The following DSCAM variants were observed in gnomAD, a reference collection of about 807,000 sequenced individuals.
DSCAM encodes the protein DS cell adhesion molecule.
Under a neutral mutation model 217.7 loss-of-function variants are expected in DSCAM, and 47 were observed. The observed-to-expected ratio is 0.22, with a 90% CI of 0.17 to 0.28. The LOEUF (loss-of-function observed/expected upper bound fraction) is 0.28, where lower values mean the gene tolerates loss of function less well. DSCAM is among the 10% of genes least tolerant of loss of function. The pLI, the probability that DSCAM is intolerant of heterozygous loss-of-function variation, is 1.00. For missense variants in DSCAM, 2,080 were observed against 2,618.3 expected, an observed-to-expected ratio of 0.79 and a Z score of 4.49; for synonymous variants, 1,056 against 1,015.3, an observed-to-expected ratio of 1.04 and a Z score of -0.76.
At chr21:40,637,242 A>T (rs1311529104) in intron 3 of DSCAM, among the ~76,000 whole-genome samples, 3 of 3,478 alleles carry the variant, frequency 8.6e-4, no homozygotes, top group African/African-American at 3.4e-3. Flanking sequence ...TATAAATATA[A>T]ATATATATAT....
At chr21:40,354,916 T>G (rs556068993) in intron 4 of DSCAM, among the ~76,000 whole-genome samples, 1 of 151,878 alleles carries the variant, frequency 6.6e-6, no homozygotes, top group South Asian at 2.1e-4. Flanking sequence ...TAGTAAAATT[T>G]ATTGCACAAA....
At chr21:40,157,931 C>T (rs1250575414) in intron 16 of DSCAM, among the ~76,000 whole-genome samples, 1 of 152,070 alleles carries the variant, frequency 6.6e-6, no homozygotes, top group East Asian at 1.9e-4. Flanking sequence ...TGGGCTCAAG[C>T]AATCCTCCCA....
At chr21:40,700,080 T>C (rs931796424) in intron 2 of DSCAM, among the ~76,000 whole-genome samples, 2 of 152,212 alleles carry the variant, frequency 1.3e-5, no homozygotes, top group Non-Finnish European at 2.9e-5. Context: ...CAATGCTCAT[T>C]TACCATTTCA....
Position 40,052,081 on chromosome 21 carries a change from C to A in DSCAM, c.5062G>T (p.Asp1688Tyr). Residue 1688 changes from aspartate to tyrosine, a missense_variant, in exon 30 of 33, where the codon GAT becomes TAT. By Grantham distance (160) the Asp-to-Tyr change is radical (BLOSUM62 -3). Coordinates refer to ENST00000400454, the MANE Select transcript of DSCAM (RefSeq NM_001389.5). ...IDDRSTVLLTDADFGEAAKQK... is the reference protein window; with the variant it reads ...IDDRSTVLLTYADFGEAAKQK... ...TTAGCTGCCTCTCCAAAGTCAGCATCCGTCAACAGAACCGTGGAGCGATCA... is the reference window on the plus strand; with the variant it reads ...TTAGCTGCCTCTCCAAAGTCAGCATACGTCAACAGAACCGTGGAGCGATCA... 6.2e-7 allele frequency: 1 copy of A among 1,614,092 alleles called. No individual in the cohort carries two copies. The highest frequency in any genetic ancestry group is 2.2e-5 in the East Asian group (1 of 44,878).
chr21:40,019,437 A>G (rs2088222501), intron 32 of DSCAM, among the ~76,000 whole-genome samples: 1 of 152,250 alleles, frequency 6.6e-6, no homozygotes, highest in African/African-American at 2.4e-5. Flanking sequence ...GAGTAATAGC[A>G]GAATCTAGCA....
chr21:40,219,547 T>C (rs2091272443), intron 11 of DSCAM, among the ~76,000 whole-genome samples: 1 of 152,238 alleles, frequency 6.6e-6, no homozygotes. Flanking sequence ...TCTTTCTACA[T>C]AAATATTTGT....
At position 40,565,922 on chromosome 21, in the gene DSCAM, C is replaced by T. The variant is rs542102946; in HGVS notation, c.508+126888G>A. ...CCCCCAGCATGAACGCATGAACCAA[C>T]AACATGTACCCTTTTATATCAACTT... On this transcript the variant is annotated intron_variant, in intron 3 of 32. Transcript: ENST00000400454. 3.9e-5 allele frequency among the ~76,000 whole-genome samples: 6 copies of T among 152,176 alleles called. No individual in the cohort carries two copies. The South Asian group carries it at 1.2e-3, about 32-fold the overall frequency.
intron 2 of DSCAM, among the ~76,000 whole-genome samples, chr21:40,698,868 TTAA>T (rs1374592698): frequency 1.8e-5 from 2 of 112,378 alleles, no homozygotes; most frequent in African/African-American, 9.2e-5. Context: ...AGAATCCGTC[TTAA>T]AAAAAAAAAA....
At chr21:40,552,892 T>C (rs1420683157) in intron 3 of DSCAM, among the ~76,000 whole-genome samples, 5 of 152,218 alleles carry the variant, frequency 3.3e-5, no homozygotes. Flanking sequence ...TTTCTATGCT[T>C]AAGGACTGAA....
chr21:40,714,986 G>C (rs1199309770), intron 1 of DSCAM, among the ~76,000 whole-genome samples: 1 of 152,276 alleles, frequency 6.6e-6, no homozygotes, highest in East Asian at 1.9e-4. Context: ...AATACATTCT[G>C]CCTCCATTTT....
chr21:40,822,450 A>T (rs60031070), intron 1 of DSCAM, among the ~76,000 whole-genome samples: 34,334 of 136,576 alleles, frequency 0.25, 4,119 homozygotes, highest in Admixed American at 0.31. Context: ...TTTTTTTTTA[A>T]AAAAAAAGAC....
At chr21:40,435,327 A>C (rs866628920) in intron 3 of DSCAM, among the ~76,000 whole-genome samples, 18 of 152,288 alleles carry the variant, frequency 1.2e-4, no homozygotes, top group African/African-American at 4.3e-4. Context: ...TGTTTGTTTA[A>C]TTTAGTTGGT....
At chr21:40,788,210 C>G (rs2091610253) in intron 1 of DSCAM, among the ~76,000 whole-genome samples, 1 of 152,214 alleles carries the variant, frequency 6.6e-6, no homozygotes, top group African/African-American at 2.4e-5. Flanking sequence ...ACCTACACTT[C>G]TTTTCTGAAA....
intron 16 of DSCAM, among the ~76,000 whole-genome samples, chr21:40,159,780 A>G (rs1886153416): frequency 6.6e-6 from 1 of 152,104 alleles, no homozygotes; most frequent in Non-Finnish European, 1.5e-5. Flanking sequence ...ATAGGGTTTC[A>G]CCATGTTGGC....
At chr21:40,074,384 C>T (rs552113640) in intron 27 of DSCAM, among the ~76,000 whole-genome samples, 1 of 152,212 alleles carries the variant, frequency 6.6e-6, no homozygotes, top group African/African-American at 2.4e-5. Flanking sequence ...ACTCCCTGTC[C>T]TCACATTGCA....
chr21:40,442,427 CT>C (rs1218262721), intron 3 of DSCAM, among the ~76,000 whole-genome samples: 3 of 148,920 alleles, frequency 2.0e-5, no homozygotes, highest in Non-Finnish European at 3.0e-5. Flanking sequence ...AAGGTATCTG[CT>C]ACCTTTTAAT....
chr21:40,255,917 T>C (rs1364538855), intron 11 of DSCAM, among the ~76,000 whole-genome samples: 2 of 152,168 alleles, frequency 1.3e-5, no homozygotes, highest in African/African-American at 4.8e-5. Flanking sequence ...AGGAGCACAG[T>C]GCTGCGGACG....
chr21:40,691,078 TTAAAA>T (rs1056921791), intron 3 of DSCAM, among the ~76,000 whole-genome samples: 2 of 152,018 alleles, frequency 1.3e-5, no homozygotes, highest in African/African-American at 2.4e-5. Context: ...ACCCCTGAAC[TTAAAA>T]TAAAAGTTAA....
chr21:40,342,648 A>ATATATATATATT (rs61637421), intron 6 of DSCAM, among the ~76,000 whole-genome samples: 4 of 80,316 alleles, frequency 5.0e-5, no homozygotes, highest in Non-Finnish European at 6.7e-5. Context: ...ATATATATAT[A>ATATATATATATT]TTTTTTTTTT....
Sources: gnomAD v4.1 joint callset for allele counts (sites outside exome capture counted in the v4.1 genomes callset) on GRCh38, gnomAD v4.1.1 for gene constraint, MANE v1.5 for transcripts, NCBI Gene and HGNC (gene_info 2026-07-23, HGNC 2026-07-21) for gene names.